The following SLC71A1 variants were observed in gnomAD, a reference collection of about 807,000 sequenced individuals.
SLC71A1 encodes the protein hippocampus abundant gene transcript 1.
At chr1:100,058,851 CTTAA>C in the SLC71A1 span, 1 of 509,648 alleles carries the variant, frequency 2.0e-6, no homozygotes, top group Non-Finnish European at 3.5e-6. Flanking sequence ...TGATTAATAA[CTTAA>C]TTTTTATAAT....
the SLC71A1 span, among the ~76,000 whole-genome samples, chr1:100,073,054 TCAC>T: frequency 6.6e-6 from 1 of 152,180 alleles, no homozygotes; most frequent in Non-Finnish European, 1.5e-5. Flanking sequence ...TTCAGTGGCT[TCAC>T]CACCGCCAGG....
chr1:100,052,652 G>A, the SLC71A1 span, among the ~76,000 whole-genome samples: 1 of 151,698 alleles, frequency 6.6e-6, no homozygotes. Context: ...GAATGGTCTC[G>A]ATCTCTTAAC....
chr1:100,053,897 A>G, the SLC71A1 span, among the ~76,000 whole-genome samples: 1 of 152,196 alleles, frequency 6.6e-6, no homozygotes, highest in African/African-American at 2.4e-5. Flanking sequence ...TTATGAATAT[A>G]TGGTTGGTCA....
the SLC71A1 span, chr1:100,068,235 C>T: frequency 6.8e-7 from 1 of 1,471,628 alleles, no homozygotes; most frequent in South Asian, 1.2e-5. Flanking sequence ...TAAAAAAGTG[C>T]ATGATTCAGT....
chr1:100,053,231 G>C, the SLC71A1 span, among the ~76,000 whole-genome samples: 69 of 152,030 alleles, frequency 4.5e-4, no homozygotes, highest in African/African-American at 1.6e-3. Flanking sequence ...TTTTGTTGTT[G>C]GCTTTGTTGG....
the SLC71A1 span, chr1:100,077,020 C>T: frequency 1.7e-6 from 1 of 571,706 alleles, no homozygotes; most frequent in Non-Finnish European, 3.1e-6. Flanking sequence ...GTGACCTGGA[C>T]TAGTGATCTC....
At chr1:100,053,075 T>C in the SLC71A1 span, among the ~76,000 whole-genome samples, 3 of 152,242 alleles carry the variant, frequency 2.0e-5, no homozygotes, top group Middle Eastern at 3.2e-3. Context: ...TAAGCCACCA[T>C]GCCCAGCCTG....
chr1:100,048,223 G>A, the SLC71A1 span, among the ~76,000 whole-genome samples: 10 of 151,468 alleles, frequency 6.6e-5, no homozygotes, highest in African/African-American at 2.2e-4. Context: ...CTGTCGCCCA[G>A]GCTGGGGTGC....
At chr1:100,042,980 A>T in the SLC71A1 span, 1 of 424,012 alleles carries the variant, frequency 2.4e-6, no homozygotes, top group Non-Finnish European at 3.2e-6. Context: ...GGCTGGCAGC[A>T]TCATTAATTA....
chr1:100,062,093 C>T, the SLC71A1 span: 2 of 563,438 alleles, frequency 3.5e-6, no homozygotes, highest in African/African-American at 1.9e-5. Flanking sequence ...CATTAGACTA[C>T]ATTTAAAATT....
the SLC71A1 span, among the ~76,000 whole-genome samples, chr1:100,054,789 G>A: frequency 6.6e-6 from 1 of 152,170 alleles, no homozygotes; most frequent in Non-Finnish European, 1.5e-5. Context: ...CTAAAGACCA[G>A]TGCTAAAGGA....
the SLC71A1 span, among the ~76,000 whole-genome samples, chr1:100,069,272 AT>A: frequency 6.6e-6 from 1 of 152,168 alleles, no homozygotes; most frequent in Non-Finnish European, 1.5e-5. Context: ...AAAAACAAGT[AT>A]TTTCCTCCTT....
the SLC71A1 span, chr1:100,082,031 T>A: frequency 6.2e-7 from 1 of 1,613,370 alleles, no homozygotes; most frequent in Non-Finnish European, 8.5e-7. Context: ...CCTCCCTTCC[T>A]ATTTGGAGCC....
chr1:100,068,121 G>T, the SLC71A1 span: 1 of 1,614,224 alleles, frequency 6.2e-7, no homozygotes, highest in Non-Finnish European at 8.5e-7. Flanking sequence ...TGCTGTGCCA[G>T]AGTCGTTGCC....
At chr1:100,058,592 A>G in the SLC71A1 span, 7 of 810,130 alleles carry the variant, frequency 8.6e-6, no homozygotes, top group African/African-American at 3.4e-5. Context: ...ATGGATGTTC[A>G]AAAAGGTAAA....
the SLC71A1 span, among the ~76,000 whole-genome samples, chr1:100,052,214 T>G: frequency 4.6e-5 from 7 of 152,214 alleles, no homozygotes; most frequent in Non-Finnish European, 8.8e-5. Flanking sequence ...TTCCATAATT[T>G]GTTATCAGTA....
the SLC71A1 span, among the ~76,000 whole-genome samples, chr1:100,050,775 G>A: frequency 6.6e-6 from 1 of 152,072 alleles, no homozygotes; most frequent in Non-Finnish European, 1.5e-5. Flanking sequence ...TGACAGCTGT[G>A]TAATTGTTAC....
the SLC71A1 span, among the ~76,000 whole-genome samples, chr1:100,056,207 T>G: frequency 6.6e-6 from 1 of 152,226 alleles, no homozygotes; most frequent in Admixed American, 6.5e-5. Context: ...CATTCTGCTC[T>G]GTCTCCATGA....
chr1:100,082,272 G>A, the SLC71A1 span: 2 of 1,241,272 alleles, frequency 1.6e-6, no homozygotes, highest in South Asian at 1.3e-5. Context: ...TCTAGTTCTG[G>A]ATGTACATTC....
Sources: allele counts gnomAD v4.1 joint callset (sites outside exome capture counted in the v4.1 genomes callset), GRCh38; gene constraint gnomAD v4.1.1; transcripts MANE v1.5; gene names NCBI Gene and HGNC (gene_info 2026-07-23, HGNC 2026-07-21).